IPO11: variants seen among roughly 807,000 people sequenced by gnomAD.
The protein encoded by IPO11 is importin-11.
IPO11 carries 66 observed loss-of-function variants against 143.2 expected under a neutral mutation model. The ratio of observed to expected loss-of-function variants is 0.46; its 90% CI spans 0.38 to 0.57. IPO11 has a LOEUF of 0.57. Among genes scored for constraint, IPO11 ranks in the 20% least tolerant of loss-of-function variants. The pLI, the probability that IPO11 is intolerant of heterozygous loss-of-function variation, is 0.00. For missense variants in IPO11, 1,026 were observed against 1,141.0 expected (o/e 0.90, Z 1.45); for synonymous variants, 385 against 377.8 (o/e 1.02, Z -0.22).
intron 22 of IPO11, among the ~76,000 whole-genome samples, chr5:62,534,628 G>C (rs1561352330): frequency 6.6e-6 from 1 of 152,188 alleles, no homozygotes; most frequent in Admixed American, 6.5e-5. Context: ...GAAAAACCTA[G>C]TCACTTAAAT....
chr5:62,590,050 A>C (rs1744954788), intron 27 of IPO11, among the ~76,000 whole-genome samples: 1 of 152,170 alleles, frequency 6.6e-6, no homozygotes, highest in African/African-American at 2.4e-5. Context: ...GTCAGTATAA[A>C]GTTCTGGATT....
rs909385502 is a variant in IPO11 at position 62,622,818 on chromosome 5, C to T, written c.2764-4336C>T. 5.9e-5 allele frequency among the ~76,000 whole-genome samples: 9 copies of T among 152,268 alleles called. No individual in the cohort carries two copies. In the South Asian group the frequency reaches 1.0e-3, roughly 18 times the overall value. On this transcript the variant is annotated intron_variant, in intron 29 of 29. Transcript: ENST00000325324. ...GTTCACTGAGACATGTATGTATATACGGTTATTTTTATCTCATGAAGTCTA... is the reference window on the plus strand; with the variant it reads ...GTTCACTGAGACATGTATGTATATATGGTTATTTTTATCTCATGAAGTCTA...
At position 62,452,297 on chromosome 5, in the gene IPO11, A is replaced by AG. The variant is rs1554048330; in HGVS notation, c.516+364_516+365insG. Among the ~76,000 whole-genome samples, 4 of 151,422 alleles carry AG rather than the reference A, an allele frequency of 2.6e-5. No individual in the cohort carries two copies. In the East Asian group the frequency reaches 7.7e-4, roughly 29 times the overall value. ...AAAATTGTGCTACTTGTAAAAAAAA[A>AG]TGACTATAGTTTTACTTCTGTTGAT... On this transcript the variant is annotated intron_variant, in intron 5 of 29. Transcript: ENST00000325324.
chr5:62,495,466 G>A (rs1369155702), intron 16 of IPO11, among the ~76,000 whole-genome samples: 1 of 152,100 alleles, frequency 6.6e-6, no homozygotes, highest in Non-Finnish European at 1.5e-5. Flanking sequence ...ATTGCTTGGA[G>A]TTTTTCTTTT....
At chr5:62,579,493 TG>T in intron 27 of IPO11, 1 of 1,550,940 alleles carries the variant, frequency 6.4e-7, no homozygotes, top group Non-Finnish European at 8.7e-7. Flanking sequence ...GGTTGTTACC[TG>T]TTATCTTTTA....
chr5:62,582,054 G>A (rs1051251569), intron 27 of IPO11, among the ~76,000 whole-genome samples: 2 of 152,178 alleles, frequency 1.3e-5, no homozygotes, highest in East Asian at 3.9e-4. Flanking sequence ...TTTAAAGCCC[G>A]AAAGAGAGAT....
chr5:62,556,506 A>G (rs1580321523), intron 26 of IPO11, among the ~76,000 whole-genome samples: 1 of 152,090 alleles, frequency 6.6e-6, no homozygotes, highest in Non-Finnish European at 1.5e-5. Context: ...TGAGAAGTCT[A>G]GGTGAGAGGA....
chr5:62,443,575 C>T lies in IPO11; in HGVS notation c.239+492C>T, dbSNP rs186379125. The stretch of plus-strand genomic sequence containing the variant: ...CACAGGAGTTTGAGATCATCCTGGG[C>T]GACATGGAGAGACCCCATCTCAAGA... On this transcript the variant is annotated intron_variant, in intron 3 of 29. Transcript: ENST00000325324. 1.8e-4 allele frequency among the ~76,000 whole-genome samples: 27 copies of T among 149,608 alleles called. No individual in the cohort carries two copies. The East Asian group carries it at 3.9e-3, about 22-fold the overall frequency.
At chr5:62,626,504 TG>T (rs1249792331) in intron 29 of IPO11, among the ~76,000 whole-genome samples, 1 of 152,146 alleles carries the variant, frequency 6.6e-6, no homozygotes, top group Non-Finnish European at 1.5e-5. Context: ...GGTCCAGGTG[TG>T]TTTTATGTAT....
intron 19 of IPO11, 25 bp from the exon 20 acceptor site, chr5:62,515,363 G>A (rs1226739020): frequency 2.0e-6 from 3 of 1,534,224 alleles, no homozygotes; most frequent in Non-Finnish European, 1.8e-6. Flanking sequence ...AAATTTTGTT[G>A]TTTCCTCTAC....
In IPO11 at chr5:62,622,406, CTTA is replaced by C. The variant is rs1206160155; in HGVS notation, c.2764-4745_2764-4743del. 5.3e-5 allele frequency among the ~76,000 whole-genome samples: 8 copies of C among 152,166 alleles called. No individual in the cohort carries two copies. The East Asian group carries it at 1.2e-3, about 22-fold the overall frequency. Reference sequence around the variant, plus strand: ...TGAGGCTTCCCTTTCCTCCTTTATTCTTATTGTTAGTTTTAAATGAAATTATAT... The same window carrying C: ...TGAGGCTTCCCTTTCCTCCTTTATTCTTGTTAGTTTTAAATGAAATTATAT... On this transcript the variant is annotated intron_variant, in intron 29 of 29. Transcript: ENST00000325324.
intron 27 of IPO11, among the ~76,000 whole-genome samples, chr5:62,562,660 G>A (rs1218416624): frequency 6.6e-6 from 1 of 152,168 alleles, no homozygotes; most frequent in Non-Finnish European, 1.5e-5. Context: ...TGGCCCAGGG[G>A]TTGTGGAACC....
At chr5:62,497,523 T>G (rs1741197342) in intron 16 of IPO11, among the ~76,000 whole-genome samples, 1 of 152,162 alleles carries the variant, frequency 6.6e-6, no homozygotes, top group African/African-American at 2.4e-5. Flanking sequence ...GCTAGACTGC[T>G]ATGGTGAGGT....
rs539584824 is a variant in IPO11 at position 62,455,921 on chromosome 5, C to T, written c.516+3988C>T. 8.4e-4 allele frequency among the ~76,000 whole-genome samples: 127 copies of T among 152,088 alleles called. 3 individuals are homozygous for T. The highest frequency in any genetic ancestry group is 9.7e-4 in the Non-Finnish European group (66 of 68,022). On this transcript the variant is annotated intron_variant, in intron 5 of 29. Transcript: ENST00000325324. ...TGTATTTTTAGTAGAGATAGGGTTT[C>T]GTCATGTTGCCCAGGTTGGCCTCAA...
intron 19 of IPO11, among the ~76,000 whole-genome samples, chr5:62,508,747 C>T (rs769245586): frequency 1.1e-4 from 16 of 152,202 alleles, no homozygotes; most frequent in Middle Eastern, 3.4e-3. Flanking sequence ...TATCCCTCCC[C>T]CAGCCCCGCA....
intron 28 of IPO11, among the ~76,000 whole-genome samples, chr5:62,596,556 CCTGGG>C (rs1448492220): frequency 2.6e-5 from 4 of 152,016 alleles, no homozygotes; most frequent in Non-Finnish European, 5.9e-5. Context: ...AGTAGAACAG[CCTGGG>C]ATTCTAAAAG....
At chr5:62,464,566 T>A (rs1306366714) in intron 5 of IPO11, among the ~76,000 whole-genome samples, 4 of 151,894 alleles carry the variant, frequency 2.6e-5, no homozygotes, top group African/African-American at 9.7e-5. Context: ...CTTCCTGGGC[T>A]CAAGGCATCC....
chr5:62,477,677 G>A (rs1746008398), intron 9 of IPO11, among the ~76,000 whole-genome samples: 1 of 152,152 alleles, frequency 6.6e-6, no homozygotes. Context: ...ACTTGCCTGC[G>A]GCTCTGCTGC....
intron 29 of IPO11, among the ~76,000 whole-genome samples, chr5:62,617,305 A>G (rs1484034867): frequency 6.6e-6 from 1 of 152,220 alleles, no homozygotes; most frequent in African/African-American, 2.4e-5. Flanking sequence ...CTCACAGTTT[A>G]TCTTCTTTCC....
Sources: allele counts gnomAD v4.1 joint callset (sites outside exome capture counted in the v4.1 genomes callset), GRCh38; gene constraint gnomAD v4.1.1; transcripts MANE v1.5; gene names NCBI Gene and HGNC (gene_info 2026-07-23, HGNC 2026-07-21).